The following PLPP4 variants were observed in gnomAD, a reference collection of about 807,000 sequenced individuals.
PLPP4 encodes diacylglycerol pyrophosphate like 2.
A neutral mutation model predicts 32.2 loss-of-function variants in PLPP4; 20 were observed. The ratio of observed to expected loss-of-function variants is 0.62; its 90% CI spans 0.44 to 0.90. The LOEUF is 0.90. Ranked by LOEUF, PLPP4 falls within the 40% of genes least tolerant of loss-of-function variation. PLPP4 has a pLI of 0.00. For synonymous variants in PLPP4, 127 were observed against 133.0 expected (o/e 0.95, Z 0.31); for missense variants, 257 against 353.1 (o/e 0.73, Z 2.18).
intron 1 of PLPP4, among the ~76,000 whole-genome samples, chr10:120,476,590 A>G (rs1843926426): frequency 6.6e-6 from 1 of 152,110 alleles, no homozygotes; most frequent in African/African-American, 2.4e-5. Context: ...CCAGCTTCCC[A>G]CATACTGGCC....
At chr10:120,504,236 G>A (rs564826254) in intron 2 of PLPP4, among the ~76,000 whole-genome samples, 52 of 152,274 alleles carry the variant, frequency 3.4e-4, no homozygotes, top group African/African-American at 1.1e-3. Context: ...GAACAATGGC[G>A]GGAACATGCT....
At chr10:120,497,331 A>G (rs1233394460) in intron 1 of PLPP4, among the ~76,000 whole-genome samples, 1 of 151,628 alleles carries the variant, frequency 6.6e-6, no homozygotes, top group Non-Finnish European at 1.5e-5. Context: ...CCTCTTTTCC[A>G]TTTTGGTTAA....
intron 5 of PLPP4, among the ~76,000 whole-genome samples, chr10:120,573,296 A>G (rs1050017534): frequency 6.6e-6 from 1 of 151,938 alleles, no homozygotes; most frequent in East Asian, 1.9e-4. Context: ...TTCCATTAAA[A>G]TTTTTTTTTA....
intron 5 of PLPP4, among the ~76,000 whole-genome samples, chr10:120,562,036 T>A (rs1394838737): frequency 6.6e-6 from 1 of 152,160 alleles, no homozygotes; most frequent in African/African-American, 2.4e-5. Context: ...AAATCTAGGG[T>A]TCAATTTGGG....
intron 2 of PLPP4, among the ~76,000 whole-genome samples, chr10:120,509,988 T>C (rs1845661482): frequency 6.6e-6 from 1 of 152,248 alleles, no homozygotes; most frequent in Non-Finnish European, 1.5e-5. Flanking sequence ...CTCCTCATTT[T>C]ACCACTTGAT....
chr10:120,541,046 C>T (rs1482595050), intron 5 of PLPP4, among the ~76,000 whole-genome samples: 1 of 152,098 alleles, frequency 6.6e-6, no homozygotes, highest in African/African-American at 2.4e-5. Context: ...GATATTATTG[C>T]GTGTCAAAAG....
chr10:120,475,232 CTT>C (rs568492998), intron 1 of PLPP4, among the ~76,000 whole-genome samples: 1 of 142,782 alleles, frequency 7.0e-6, no homozygotes, highest in Non-Finnish European at 1.5e-5. Context: ...CCATTCCCTT[CTT>C]TTTTTTTTTT....
chr10:120,479,865 T>C (rs984324094), intron 1 of PLPP4, among the ~76,000 whole-genome samples: 2 of 152,370 alleles, frequency 1.3e-5, no homozygotes, highest in Admixed American at 1.3e-4. Flanking sequence ...TCCTTTTCCA[T>C]GAAATAACTG....
intron 5 of PLPP4, among the ~76,000 whole-genome samples, chr10:120,552,426 T>G (rs61871753): frequency 0.22 from 32,910 of 152,084 alleles, 3,603 homozygotes; most frequent in African/African-American, 0.24. Flanking sequence ...TCATCATCCC[T>G]CCAATGGGTA....
chr10:120,530,809 G>A (rs191150371), intron 5 of PLPP4, among the ~76,000 whole-genome samples: 1 of 152,224 alleles, frequency 6.6e-6, no homozygotes, highest in Admixed American at 6.5e-5. Flanking sequence ...TGTCCTCACC[G>A]ACATTTGGTG....
At chr10:120,524,370 A>G (rs1227503572) in intron 5 of PLPP4, among the ~76,000 whole-genome samples, 1 of 152,134 alleles carries the variant, frequency 6.6e-6, no homozygotes, top group Non-Finnish European at 1.5e-5. Flanking sequence ...TTCCTTAAAA[A>G]ATCAATTTCA....
intron 5 of PLPP4, among the ~76,000 whole-genome samples, chr10:120,562,646 C>A (rs1163872214): frequency 1.3e-5 from 2 of 152,122 alleles, no homozygotes; most frequent in African/African-American, 4.8e-5. Context: ...GTGATACTTT[C>A]CCTTTGATGT....
Position 120,521,022 on chromosome 10 carries a change from G to A in PLPP4, c.372G>A (p.Ser124=), listed in dbSNP as rs370083666. 1.1e-5 allele frequency: 17 copies of A among 1,613,882 alleles called. No individual in the cohort carries two copies. In the African/African-American group the frequency reaches 1.1e-4, roughly 10 times the overall value. ...GCTTTCCAGATGGAGTGATGAACTC[G>A]GAAATGCATTGCACAGGTGACCCCG... ...YRCFPDGVMN[S]EMHCTGDPDL... is the part of the protein sequence containing the mutation. Residue 124 remains serine (S), a synonymous_variant, in exon 5 of 7, where the codon TCG becomes TCA. Coordinates refer to ENST00000398250, the MANE Select transcript of PLPP4 (RefSeq NM_001030059.3).
At chr10:120,557,639 G>C (rs1054467333) in intron 5 of PLPP4, among the ~76,000 whole-genome samples, 1 of 152,098 alleles carries the variant, frequency 6.6e-6, no homozygotes, top group Non-Finnish European at 1.5e-5. Flanking sequence ...ATAATAGTTA[G>C]CATCTCCAAA....
At chr10:120,499,441 T>C (rs950604984) in intron 1 of PLPP4, among the ~76,000 whole-genome samples, 1 of 151,986 alleles carries the variant, frequency 6.6e-6, no homozygotes. Flanking sequence ...ACAACCACAA[T>C]TACTTTTGCA....
At chr10:120,586,136 T>C (rs1473379222) in intron 6 of PLPP4, among the ~76,000 whole-genome samples, 1 of 4,046 alleles carries the variant, frequency 2.5e-4, no homozygotes, top group African/African-American at 6.2e-4. Flanking sequence ...TCTTTTTTTC[T>C]TTTTTTTTTT....
intron 1 of PLPP4, among the ~76,000 whole-genome samples, chr10:120,487,300 CA>C (rs1844503326): frequency 6.6e-6 from 1 of 152,214 alleles, no homozygotes; most frequent in Admixed American, 6.5e-5. Flanking sequence ...CGCTTTTAAA[CA>C]AAGCTATTAC....
intron 2 of PLPP4, 55 bp from the exon 3 acceptor site, chr10:120,513,856 C>T: frequency 1.5e-6 from 2 of 1,318,524 alleles, no homozygotes; most frequent in Non-Finnish European, 2.2e-6. Flanking sequence ...TATCAATCAG[C>T]CCTTCTGATA....
rs771515278 is a variant in PLPP4, at chr10:120,457,285, G to C, written c.-21G>C. 1 of 1,481,706 alleles carries C rather than the reference G, an allele frequency of 6.7e-7. No individual in the cohort carries two copies. Among genetic ancestry groups the C allele is most frequent in the African/African-American group, 1.4e-5 (1 of 68,982 alleles). The allele number at this position is 1,481,706 out of a possible 1,614,324, so 91.8% of individuals were successfully genotyped here. ...CGCGGAGAGCACCAGCTGACGCCGC[G>C]GGAGCTGCTCCGGCCGCACCATGCG... is the stretch of plus-strand genomic sequence containing the variant. On this transcript the variant is annotated 5_prime_UTR_variant, in exon 1 of 7. Coordinates refer to ENST00000398250, the MANE Select transcript of PLPP4 (RefSeq NM_001030059.3).
Sources: allele counts gnomAD v4.1 joint callset (sites outside exome capture counted in the v4.1 genomes callset), GRCh38; gene constraint gnomAD v4.1.1; transcripts MANE v1.5; gene names NCBI Gene and HGNC (gene_info 2026-07-23, HGNC 2026-07-21).